The following NPAS3 variants were observed in gnomAD, a reference collection of about 807,000 sequenced individuals.
NPAS3 encodes the protein neuronal PAS domain-containing protein 3.
In NPAS3, 14 loss-of-function variants were observed where a neutral mutation model predicts 73.1. The ratio of observed to expected loss-of-function variants is 0.19; its 90% CI spans 0.13 to 0.30. The LOEUF is 0.30. Among genes scored for constraint, NPAS3 ranks in the 10% least tolerant of loss-of-function variants. NPAS3 has a pLI of 1.00. For missense variants in NPAS3, 1,096 were observed against 1,250.0 expected, an observed-to-expected ratio of 0.88 and a Z score of 1.86; for synonymous variants, 620 against 541.5, an observed-to-expected ratio of 1.14 and a Z score of -2.01.
Position 33,271,289 on chromosome 14 carries a change from C to T in NPAS3, c.385+55863C>T, listed in dbSNP as rs546168408. On this transcript the variant is annotated intron_variant, in intron 3 of 11. Coordinates refer to ENST00000356141, the Ensembl canonical transcript of NPAS3. Reference sequence around the variant, plus strand: ...GAGGGTCTTAAGTCCTACAGTCAAACGGGATAGGTCAGAGAATTTCTTTAT... The same window carrying T: ...GAGGGTCTTAAGTCCTACAGTCAAATGGGATAGGTCAGAGAATTTCTTTAT... 4.6e-5 allele frequency among the ~76,000 whole-genome samples: 7 copies of T among 152,176 alleles called. No homozygotes were observed. In the East Asian group the frequency reaches 1.2e-3, roughly 25 times the overall value.
intron 3 of NPAS3, among the ~76,000 whole-genome samples, chr14:33,257,087 C>T (rs243296): frequency 0.37 from 55,511 of 151,922 alleles, 10,689 homozygotes; most frequent in South Asian, 0.54. Flanking sequence ...TCCCACTGGG[C>T]GCCACTCCCA....
chr14:33,509,040 TA>T (rs1234563840), intron 4 of NPAS3, among the ~76,000 whole-genome samples: 3 of 147,698 alleles, frequency 2.0e-5, no homozygotes, highest in African/African-American at 7.3e-5. Flanking sequence ...ATATAACCTT[TA>T]AAGGTTATCC....
At chr14:33,416,693 T>TAGAC (rs1224940708) in intron 4 of NPAS3, among the ~76,000 whole-genome samples, 1 of 152,064 alleles carries the variant, frequency 6.6e-6, no homozygotes, top group Non-Finnish European at 1.5e-5. Context: ...AATTCTGAGA[T>TAGAC]AGACATTCTA....
At chr14:33,331,356 T>C (rs1192479803) in intron 3 of NPAS3, among the ~76,000 whole-genome samples, 1 of 152,234 alleles carries the variant, frequency 6.6e-6, no homozygotes, top group African/African-American at 2.4e-5. Flanking sequence ...ATTTTTTGTG[T>C]GGAAGATAAT....
intron 4 of NPAS3, among the ~76,000 whole-genome samples, chr14:33,422,094 T>C (rs1223113121): frequency 2.0e-5 from 3 of 151,976 alleles, no homozygotes; most frequent in East Asian, 1.9e-4. Context: ...TTTGGTGTCC[T>C]TAGTGAATTA....
At chr14:33,479,264 C>T (rs1331754141) in intron 4 of NPAS3, among the ~76,000 whole-genome samples, 1 of 152,112 alleles carries the variant, frequency 6.6e-6, no homozygotes, top group Non-Finnish European at 1.5e-5. Context: ...GTTGCCTGCA[C>T]TTACAGCTCG....
intron 1 of NPAS3, among the ~76,000 whole-genome samples, chr14:32,964,509 A>G (rs1010289913): frequency 6.8e-6 from 1 of 147,438 alleles, no homozygotes; most frequent in Admixed American, 6.7e-5. Context: ...ATATGCATAC[A>G]ATGTGATATA....
At chr14:33,409,937 G>A (rs1365466361) in intron 4 of NPAS3, among the ~76,000 whole-genome samples, 1 of 152,134 alleles carries the variant, frequency 6.6e-6, no homozygotes, top group Non-Finnish European at 1.5e-5. Flanking sequence ...ATTTTGTAAG[G>A]AGTTGGTATG....
At chr14:33,711,332 T>C (rs1229856568) in intron 6 of NPAS3, among the ~76,000 whole-genome samples, 1 of 152,266 alleles carries the variant, frequency 6.6e-6, no homozygotes, top group East Asian at 1.9e-4. Flanking sequence ...ACGAGTGTTG[T>C]CTGTTAAGAT....
At chr14:33,407,942 A>G (rs900615460) in intron 4 of NPAS3, among the ~76,000 whole-genome samples, 1 of 152,180 alleles carries the variant, frequency 6.6e-6, no homozygotes, top group Admixed American at 6.6e-5. Context: ...GCTAAAATGA[A>G]TAGAAAAAGA....
chr14:33,718,018 G>A (rs2061003740), intron 6 of NPAS3, among the ~76,000 whole-genome samples: 1 of 150,854 alleles, frequency 6.6e-6, no homozygotes, highest in African/African-American at 2.4e-5. Context: ...TTTTAAGTGA[G>A]TACCCAATAC....
At chr14:33,246,465 G>A (rs1027142124) in intron 3 of NPAS3, among the ~76,000 whole-genome samples, 1 of 148,716 alleles carries the variant, frequency 6.7e-6, no homozygotes, top group African/African-American at 2.5e-5. Context: ...CGTGAACCCC[G>A]GGGGACGGAG....
At chr14:33,473,497 C>T (rs2050881386) in intron 4 of NPAS3, among the ~76,000 whole-genome samples, 1 of 152,126 alleles carries the variant, frequency 6.6e-6, no homozygotes, top group Non-Finnish European at 1.5e-5. Flanking sequence ...ATTCATTCAT[C>T]TACTGAATAT....
At chr14:33,241,077 T>C (rs1203351243) in intron 3 of NPAS3, among the ~76,000 whole-genome samples, 1 of 151,940 alleles carries the variant, frequency 6.6e-6, no homozygotes, top group Non-Finnish European at 1.5e-5. Flanking sequence ...TTCTCTTCTT[T>C]TAAGAGTGCT....
At chr14:33,543,495 T>C (rs907546072) in intron 4 of NPAS3, among the ~76,000 whole-genome samples, 5 of 152,150 alleles carry the variant, frequency 3.3e-5, no homozygotes, top group African/African-American at 1.2e-4. Context: ...CTACTAGATG[T>C]CTGTTTCCAG....
intron 3 of NPAS3, among the ~76,000 whole-genome samples, chr14:33,245,832 T>TA (rs1032528788): frequency 6.6e-5 from 10 of 151,294 alleles, no homozygotes; most frequent in South Asian, 4.2e-4. Context: ...TATGGTGAAT[T>TA]AAAAAAAATA....
At chr14:33,355,835 T>A (rs111484658) in intron 3 of NPAS3, among the ~76,000 whole-genome samples, 59 of 152,314 alleles carry the variant, frequency 3.9e-4, no homozygotes, top group African/African-American at 1.4e-3. Flanking sequence ...GAAATCTCTG[T>A]CCCTACTTTT....
chr14:33,654,950 C>T (rs2059102099), intron 5 of NPAS3, among the ~76,000 whole-genome samples: 2 of 152,190 alleles, frequency 1.3e-5, no homozygotes, highest in African/African-American at 4.8e-5. Flanking sequence ...AAGGCTAGAA[C>T]TTTCTGAATA....
chr14:33,733,933 C>G (rs2061461391), intron 6 of NPAS3, among the ~76,000 whole-genome samples: 1 of 152,156 alleles, frequency 6.6e-6, no homozygotes, highest in Non-Finnish European at 1.5e-5. Flanking sequence ...AGCAAGGTTT[C>G]TGTTATTACA....
Sources: allele counts gnomAD v4.1 joint callset (sites outside exome capture counted in the v4.1 genomes callset), GRCh38; gene constraint gnomAD v4.1.1; transcripts MANE v1.5; gene names NCBI Gene and HGNC (gene_info 2026-07-23, HGNC 2026-07-21).